Variants in COL25A1 observed in about 807,000 individuals in gnomAD.
The protein encoded by COL25A1 is collagen alpha-1(XXV) chain.
A neutral mutation model predicts 128.4 loss-of-function variants in COL25A1; 103 were observed. That is an observed-to-expected ratio of 0.80 (90% CI 0.68 to 0.94). The LOEUF (loss-of-function observed/expected upper bound fraction) is 0.94. Ranked by LOEUF, COL25A1 falls within the 40% of genes least tolerant of loss-of-function variation. The pLI, the probability that COL25A1 is intolerant of heterozygous loss-of-function variation, is 0.00. For missense variants in COL25A1, 745 were observed against 840.0 expected, an observed-to-expected ratio of 0.89 and a Z score of 1.40; for synonymous variants, 279 against 277.2, an observed-to-expected ratio of 1.01 and a Z score of -0.06.
At chr4:109,270,624 G>A (rs566971980) in intron 3 of COL25A1, among the ~76,000 whole-genome samples, 45 of 152,150 alleles carry the variant, frequency 3.0e-4, no homozygotes, top group African/African-American at 1.0e-3. Flanking sequence ...GGCACACTTG[G>A]TTACTTCTCC....
chr4:109,207,052 A>C (rs1305188595), intron 3 of COL25A1, among the ~76,000 whole-genome samples: 2 of 152,196 alleles, frequency 1.3e-5, no homozygotes, highest in Non-Finnish European at 2.9e-5. Flanking sequence ...AATTGTATGA[A>C]TCTGACTCAT....
At chr4:109,110,563 T>C (rs1766901573) in intron 3 of COL25A1, among the ~76,000 whole-genome samples, 1 of 152,158 alleles carries the variant, frequency 6.6e-6, no homozygotes, top group Non-Finnish European at 1.5e-5. Context: ...TCGAGGTCAA[T>C]ATTACCAATT....
At chr4:108,939,986 C>A (rs551232841) in intron 10 of COL25A1, among the ~76,000 whole-genome samples, 28 of 152,186 alleles carry the variant, frequency 1.8e-4, no homozygotes, top group African/African-American at 6.7e-4. Flanking sequence ...GATGTTTTAG[C>A]CATTCATTTT....
At chr4:108,933,814 G>T (rs75394602) in intron 11 of COL25A1, among the ~76,000 whole-genome samples, 1 of 150,848 alleles carries the variant, frequency 6.6e-6, no homozygotes, top group Non-Finnish European at 1.5e-5. Flanking sequence ...TTCTAAAACC[G>T]GAACTACTTT....
chr4:108,874,219 T>C (rs1405354680), intron 19 of COL25A1, among the ~76,000 whole-genome samples: 2 of 152,166 alleles, frequency 1.3e-5, no homozygotes, highest in African/African-American at 2.4e-5. Context: ...TTCATAAAAA[T>C]GAGCTTACAT....
chr4:109,158,350 C>T (rs1304062907), intron 3 of COL25A1, among the ~76,000 whole-genome samples: 1 of 151,692 alleles, frequency 6.6e-6, no homozygotes, highest in Admixed American at 6.6e-5. Context: ...CCCAACAATG[C>T]CTCCAACTCT....
chr4:109,154,501 G>A (rs1771844207), intron 3 of COL25A1, among the ~76,000 whole-genome samples: 3 of 152,184 alleles, frequency 2.0e-5, no homozygotes, highest in African/African-American at 7.2e-5. Flanking sequence ...CTGAGAAGGT[G>A]GGTCTGAAAA....
At chr4:109,194,274 C>G (rs1775843184) in intron 3 of COL25A1, among the ~76,000 whole-genome samples, 1 of 152,126 alleles carries the variant, frequency 6.6e-6, no homozygotes, top group Admixed American at 6.5e-5. Flanking sequence ...TATTTTATCT[C>G]CTCCTTTTCA....
At chr4:108,909,892 T>C (rs1744006817) in intron 13 of COL25A1, among the ~76,000 whole-genome samples, 1 of 152,198 alleles carries the variant, frequency 6.6e-6, no homozygotes, top group Non-Finnish European at 1.5e-5. Flanking sequence ...GCCTTGGGGA[T>C]TACATGTGAA....
chr4:108,864,492 G>T (rs1737641083), intron 20 of COL25A1, among the ~76,000 whole-genome samples: 1 of 152,208 alleles, frequency 6.6e-6, no homozygotes, highest in African/African-American at 2.4e-5. Context: ...GAATGTAAAA[G>T]TGTTCGGGTT....
At chr4:108,828,292 G>A (rs566301979) in intron 32 of COL25A1, among the ~76,000 whole-genome samples, 2 of 152,070 alleles carry the variant, frequency 1.3e-5, no homozygotes, top group South Asian at 2.1e-4. Context: ...TGCCCGCCAC[G>A]CCTGGCCAAT....
intron 3 of COL25A1, among the ~76,000 whole-genome samples, chr4:109,067,025 T>C (rs1447859275): frequency 1.3e-5 from 2 of 152,200 alleles, no homozygotes; most frequent in Non-Finnish European, 2.9e-5. Context: ...CAGATAAAAT[T>C]ATTCTCATTC....
intron 8 of COL25A1, among the ~76,000 whole-genome samples, chr4:108,954,752 G>A (rs1749862652): frequency 6.6e-6 from 1 of 151,732 alleles, no homozygotes; most frequent in Non-Finnish European, 1.5e-5. Flanking sequence ...GTGTAACATG[G>A]TCTTTCAACT....
chr4:108,983,134 T>C (rs1578975415), intron 6 of COL25A1, among the ~76,000 whole-genome samples: 1 of 152,224 alleles, frequency 6.6e-6, no homozygotes, highest in Admixed American at 6.5e-5. Context: ...CCTAGCATCA[T>C]TCCTTGCCTC....
intron 3 of COL25A1, among the ~76,000 whole-genome samples, chr4:109,155,808 G>A (rs931802561): frequency 5.9e-5 from 9 of 152,148 alleles, no homozygotes; most frequent in African/African-American, 1.7e-4. Context: ...ATGTAAGTAG[G>A]CCAGATATGA....
intron 3 of COL25A1, among the ~76,000 whole-genome samples, chr4:109,154,977 C>T (rs1336339461): frequency 6.6e-6 from 1 of 152,118 alleles, no homozygotes; most frequent in South Asian, 2.1e-4. Context: ...CCTAGCTTCC[C>T]TCCTTCCCAT....
At position 108,846,129 on chromosome 4, in the gene COL25A1, A is replaced by G. The variant is rs2125760623; in HGVS notation, c.1515+10T>C. 1.3e-6 allele frequency: 2 copies of G among 1,565,898 alleles called. No individual in the cohort carries two copies. The highest frequency in any genetic ancestry group is 2.2e-5 in the South Asian group (2 of 90,076). The stretch of plus-strand genomic sequence containing the variant: ...TAAAAAGTATAAACAAACAGAAAGT[A>G]TAAACATACCGGTAATCCAGGAAGT... On this transcript the variant is annotated intron_variant, in intron 28 of 37. Transcript: ENST00000399132.
At chr4:108,932,216 T>C (rs1277251112) in intron 11 of COL25A1, among the ~76,000 whole-genome samples, 1 of 152,170 alleles carries the variant, frequency 6.6e-6, no homozygotes, top group Non-Finnish European at 1.5e-5. Flanking sequence ...AGCAATGCAT[T>C]ATAAATTGAA....
chr4:109,302,229 C>T lies in COL25A1; in HGVS notation c.-117G>A. On this transcript the variant is annotated 5_prime_UTR_variant, in exon 1 of 38. Transcript: ENST00000399132. ...CACCATCCCCGCTTTCTTCTCTCCT[C>T]CCAGCTGGAAGTGAAAAGCACCCTC... 1.6e-6 allele frequency: 1 copy of T among 606,594 alleles called. No homozygotes were observed. The highest frequency in any genetic ancestry group is 2.7e-6 in the Non-Finnish European group (1 of 372,054). The allele number at this position is 606,594 out of a possible 1,614,324, so 37.6% of individuals were successfully genotyped here.
Sources: gnomAD v4.1 joint callset for allele counts (sites outside exome capture counted in the v4.1 genomes callset) on GRCh38, gnomAD v4.1.1 for gene constraint, MANE v1.5 for transcripts, NCBI Gene and HGNC (gene_info 2026-07-23, HGNC 2026-07-21) for gene names.